HEATR3: variants seen among roughly 807,000 people sequenced by gnomAD.
The protein encoded by HEATR3 is HEAT repeat containing 3.
A neutral mutation model predicts 72.8 loss-of-function variants in HEATR3; 56 were observed. The observed-to-expected ratio is 0.77, with a 90% confidence interval of 0.62 to 0.96. HEATR3 has a LOEUF of 0.96. HEATR3 is among the 40% of genes least tolerant of loss of function. HEATR3 has a pLI of 0.00. For missense variants in HEATR3, 747 were observed against 831.4 expected (o/e 0.90, Z 1.25); for synonymous variants, 331 against 318.1 (o/e 1.04, Z -0.43).
chr16:50,086,125 C>A, intron 10 of HEATR3, 90 bp from the exon 11 acceptor site: 2 of 1,197,072 alleles, frequency 1.7e-6, no homozygotes, highest in South Asian at 1.6e-5. Flanking sequence ...TATTTCCAGT[C>A]AGAACGTGAA....
chr16:50,085,492 G>A (rs2036968362), intron 10 of HEATR3, among the ~76,000 whole-genome samples: 1 of 151,770 alleles, frequency 6.6e-6, no homozygotes, highest in African/African-American at 2.4e-5. Context: ...AAATTAGCCT[G>A]GCATAGTGGC....
At chr16:50,072,465 C>T in intron 4 of HEATR3, 140 bp from the exon 5 acceptor site, 1 of 609,500 alleles carries the variant, frequency 1.6e-6, no homozygotes, top group Admixed American at 3.0e-5. Flanking sequence ...GTGTTAGTTC[C>T]TTCATCGATA....
At chr16:50,096,274 A>G (rs886810162) in intron 12 of HEATR3, among the ~76,000 whole-genome samples, 8 of 145,318 alleles carry the variant, frequency 5.5e-5, no homozygotes, top group Non-Finnish European at 3.0e-5. Context: ...GCAGTGAGCC[A>G]AGATCATGCC....
intron 6 of HEATR3, among the ~76,000 whole-genome samples, chr16:50,077,261 C>T (rs1003309839): frequency 5.9e-5 from 9 of 151,998 alleles, no homozygotes; most frequent in African/African-American, 2.2e-4. Context: ...ATTGGCCCAT[C>T]TCGACCTCCC....
intron 11 of HEATR3, 65 bp downstream of exon 11, chr16:50,086,416 G>T (rs2036989787): frequency 3.3e-6 from 5 of 1,505,908 alleles, no homozygotes; most frequent in Admixed American, 4.4e-5. Context: ...CAGGAATTTG[G>T]ATTTTGTAAA....
chr16:50,095,380 G>A (rs956287079), intron 12 of HEATR3, among the ~76,000 whole-genome samples: 2 of 149,520 alleles, frequency 1.3e-5, no homozygotes, highest in African/African-American at 4.9e-5. Context: ...GTGCTGGGAT[G>A]ACAGGCGTGA....
intron 6 of HEATR3, among the ~76,000 whole-genome samples, chr16:50,077,945 C>T (rs1412007484): frequency 5.0e-5 from 7 of 140,106 alleles, no homozygotes; most frequent in African/African-American, 1.4e-4. Flanking sequence ...GGCAAGATCT[C>T]GGCTCACTGC....
Position 50,105,151 on chromosome 16 carries a change from G to A in HEATR3, c.*90G>A. The A allele has an allele frequency of 7.2e-7, 1 of 1,392,818 alleles. No individual in the cohort carries two copies. The highest frequency in any genetic ancestry group is 1.3e-5 in the South Asian group (1 of 79,776). The allele number at this position is 1,392,818 out of a possible 1,614,324, so 86.3% of individuals were successfully genotyped here. The stretch of plus-strand genomic sequence containing the variant: ...TCTTTGAATGTATATGTTTCTGAAA[G>A]TCATTTTTTAATGATTACATTCTGT... On this transcript the variant is annotated 3_prime_UTR_variant, in exon 15 of 15. Coordinates refer to ENST00000299192, the MANE Select transcript of HEATR3 (RefSeq NM_182922.4).
Position 50,066,494 on chromosome 16 carries a change from T to C in HEATR3, c.266T>C (p.Leu89Pro). Residue 89 changes from leucine (L) to proline (P), a missense_variant, in exon 2 of 15, where the codon CTA becomes CCA. Coordinates refer to ENST00000299192, the MANE Select transcript of HEATR3 (RefSeq NM_182922.4). ...DAVRRLGPLL[L>P]DPSLAVRETA... ...GTGCGCCGCCTCGGGCCGCTGCTGC[T>C]AGACCCCAGCCTGGCCGTCAGGGAG... is the stretch of plus-strand genomic sequence containing the variant. 2 of 1,337,188 alleles carry C rather than the reference T, an allele frequency of 1.5e-6. No homozygotes were observed. The highest frequency in any genetic ancestry group is 1.9e-6 in the Non-Finnish European group (2 of 1,050,982). The allele number at this position is 1,337,188 out of a possible 1,614,324, so 82.8% of individuals were successfully genotyped here.
chr16:50,091,891 A>T (rs949092454), intron 11 of HEATR3, among the ~76,000 whole-genome samples: 48 of 151,894 alleles, frequency 3.2e-4, no homozygotes, highest in Non-Finnish European at 4.1e-4. Context: ...AAAAAAAAAA[A>T]ATATCGTTCA....
At chr16:50,104,061 A>G (rs2037426048) in intron 14 of HEATR3, among the ~76,000 whole-genome samples, 1 of 151,496 alleles carries the variant, frequency 6.6e-6, no homozygotes, top group South Asian at 2.1e-4. Flanking sequence ...CAAACAAACA[A>G]AACCAGCGCT....
intron 11 of HEATR3, among the ~76,000 whole-genome samples, chr16:50,087,110 A>G (rs890140786): frequency 1.5e-4 from 23 of 152,170 alleles, no homozygotes; most frequent in Admixed American, 1.2e-3. Context: ...TTACTGTTGC[A>G]CCAGTTACTT....
Position 50,066,182 on chromosome 16 carries a change from G to T in HEATR3, c.51G>T (p.Thr17=). ...TCAAGCGACCTCAGTTCTCCCCTACGGGCGACTGTCAGGCCGAGGCGGCTG... is the reference window on the plus strand; with the variant it reads ...TCAAGCGACCTCAGTTCTCCCCTACTGGCGACTGTCAGGCCGAGGCGGCTG... ...KRFKRPQFSP[T]GDCQAEAAAA... is the part of the protein sequence containing the mutation. The change falls in exon 1 of 15, where the codon ACG becomes ACT. Residue 17 remains threonine, a synonymous_variant. Transcript: ENST00000299192. The T allele has an allele frequency of 6.3e-7, 1 of 1,594,000 alleles. No individual in the cohort carries two copies.
intron 3 of HEATR3, chr16:50,069,131 A>C (rs2036559017): frequency 3.6e-6 from 1 of 281,146 alleles, no homozygotes; most frequent in South Asian, 7.4e-5. Flanking sequence ...AATAAAAATA[A>C]TTAGTATTTA....
At chr16:50,080,570 C>T (rs1038320489) in intron 7 of HEATR3, among the ~76,000 whole-genome samples, 1 of 152,178 alleles carries the variant, frequency 6.6e-6, no homozygotes, top group Admixed American at 6.5e-5. Context: ...AAACTCCCGA[C>T]CTCAGGTGTC....
chr16:50,104,821 A>G, intron 14 of HEATR3, 118 bp from the exon 15 acceptor site: 1 of 908,942 alleles, frequency 1.1e-6, no homozygotes, highest in Non-Finnish European at 1.6e-6. Flanking sequence ...ATTTTTTCCA[A>G]ATTCTTACAG....
chr16:50,084,077 A>C (rs1445615056), intron 8 of HEATR3, 50 bp downstream of exon 8: 2 of 1,612,808 alleles, frequency 1.2e-6, no homozygotes, highest in Admixed American at 1.7e-5. Context: ...CAAGAGGGAA[A>C]CTCCCGTGGA....
At position 50,069,255 on chromosome 16, in the gene HEATR3, C is replaced by T. The variant is rs7202033; in HGVS notation, c.399+388C>T. The T allele has an allele frequency of 3.6e-3, 592 of 165,992 alleles. 3 individuals are homozygous for T. The highest frequency in any genetic ancestry group is 0.013 in the African/African-American group (557 of 41,644). 10.3% of individuals were successfully genotyped at this position (165,992 alleles called of 1,614,324 possible). A position where few individuals can be genotyped will look rare whatever the true frequency, so the allele number is the denominator to read the frequency against. On this transcript the variant is annotated intron_variant, in intron 3 of 14. Transcript: ENST00000299192. ...ATTCCCATTTTACAGATGACAAAGC[C>T]GAGGCACAGACATTAGGAACTTGTG...
At chr16:50,096,357 A>G (rs1385146761) in intron 12 of HEATR3, among the ~76,000 whole-genome samples, 1 of 151,758 alleles carries the variant, frequency 6.6e-6, no homozygotes, top group Non-Finnish European at 1.5e-5. Flanking sequence ...AGAAAAAGAA[A>G]AAAACGTCTT....
Sources: gnomAD v4.1 joint callset for allele counts (sites outside exome capture counted in the v4.1 genomes callset) on GRCh38, gnomAD v4.1.1 for gene constraint, MANE v1.5 for transcripts, NCBI Gene and HGNC (gene_info 2026-07-23, HGNC 2026-07-21) for gene names.